The following SULT1B1 variants were observed in gnomAD, a reference collection of about 807,000 sequenced individuals.
SULT1B1 encodes sulfotransferase family 1B member 1.
Under a neutral mutation model 34.6 loss-of-function variants are expected in SULT1B1, and 28 were observed. The ratio of observed to expected loss-of-function variants is 0.81; its 90% CI spans 0.60 to 1.11. SULT1B1 has a LOEUF of 1.11. SULT1B1 is among the 50% of genes least tolerant of loss of function. The pLI is 0.00. For missense variants in SULT1B1, 374 were observed against 352.2 expected, an observed-to-expected ratio of 1.06 and a Z score of -0.50; for synonymous variants, 147 against 110.2, an observed-to-expected ratio of 1.33 and a Z score of -2.09.
rs1719005180 is a variant in SULT1B1 at position 69,752,098 on chromosome 4, G to A, written c.278-2280C>T. Among the ~76,000 whole-genome samples the A allele has an allele frequency of 2.6e-5, 4 of 152,314 alleles. No individual in the cohort carries two copies. In the South Asian group the frequency reaches 8.3e-4, roughly 32 times the overall value. On this transcript the variant is annotated intron_variant, in intron 3 of 7. Coordinates refer to ENST00000310613, the MANE Select transcript of SULT1B1 (RefSeq NM_014465.4). ...ACCATTTGTTTTAAGAAACTTTGCA[G>A]TTTGCATTTTAAGTCCTTGACAAAT... is the stretch of plus-strand genomic sequence containing the variant.
intron 3 of SULT1B1, among the ~76,000 whole-genome samples, 184 bp from the exon 4 acceptor site, chr4:69,750,002 T>C (rs1718917458): frequency 6.6e-6 from 1 of 152,174 alleles, no homozygotes; most frequent in Non-Finnish European, 1.5e-5. Context: ...AGGATACACA[T>C]TCTGAGGTTA....
intron 3 of SULT1B1, among the ~76,000 whole-genome samples, chr4:69,752,639 A>AT (rs765315089): frequency 9.2e-5 from 14 of 152,250 alleles, no homozygotes; most frequent in Non-Finnish European, 1.6e-4. Flanking sequence ...CAAAACAAAA[A>AT]TTGGCATTTG....
intron 4 of SULT1B1, among the ~76,000 whole-genome samples, chr4:69,740,595 T>C (rs1718508813): frequency 2.6e-5 from 4 of 152,202 alleles, no homozygotes; most frequent in Admixed American, 1.3e-4. Flanking sequence ...TCTAGGTTGA[T>C]TCCTTTGCTA....
chr4:69,726,925 C>A lies in SULT1B1; in HGVS notation c.*163G>T. 1 of 489,910 alleles carries A rather than the reference C, an allele frequency of 2.0e-6. No homozygotes were observed. Among genetic ancestry groups the A allele is most frequent in the Non-Finnish European group, 3.4e-6 (1 of 291,646 alleles). The allele number at this position is 489,910 out of a possible 1,614,324, so 30.3% of individuals were successfully genotyped here. ...ATTTGGAAACTCAGAATCAAAGGAA[C>A]AAAACTGGGATCTGATTAATAACAT... is the stretch of plus-strand genomic sequence containing the variant. On this transcript the variant is annotated 3_prime_UTR_variant, in exon 8 of 8. Transcript: ENST00000310613.
intron 3 of SULT1B1, among the ~76,000 whole-genome samples, chr4:69,753,290 C>T (rs945409604): frequency 6.6e-6 from 1 of 152,100 alleles, no homozygotes; most frequent in Non-Finnish European, 1.5e-5. Flanking sequence ...CTTTCATTTT[C>T]TTCATATTTC....
intron 6 of SULT1B1, 95 bp from the exon 7 acceptor site, chr4:69,730,776 C>G: frequency 9.1e-7 from 1 of 1,099,930 alleles, no homozygotes; most frequent in East Asian, 2.6e-5. Context: ...AATGTTGACT[C>G]TGAATAGTAT....
Position 69,751,845 on chromosome 4 carries a change from C to T in SULT1B1, c.278-2027G>A, listed in dbSNP as rs962120113. Among the ~76,000 whole-genome samples the T allele has an allele frequency of 3.9e-5, 6 of 152,316 alleles. No individual in the cohort carries two copies. The East Asian group carries it at 9.6e-4, about 24-fold the overall frequency. On this transcript the variant is annotated intron_variant, in intron 3 of 7. Transcript: ENST00000310613. ...AATGCTGCATATCCTCCCTCTCTATCCCCAATCCTGCCTTCCATCTGTTAT... is the reference window on the plus strand; with the variant it reads ...AATGCTGCATATCCTCCCTCTCTATTCCCAATCCTGCCTTCCATCTGTTAT...
rs145641879 is a variant in SULT1B1, at chr4:69,722,108, T to A, written c.*4980A>T. ...TGACATTTGCATCATAGAATAAATA[T>A]ATAAGAGGCAACAACCTATTTAAAA... On this transcript the variant is annotated 3_prime_UTR_variant, in exon 8 of 8. Coordinates refer to ENST00000310613, the MANE Select transcript of SULT1B1 (RefSeq NM_014465.4). 2.6e-5 allele frequency: 4 copies of A among 152,224 alleles called. No individual in the cohort carries two copies. The East Asian group carries it at 5.8e-4, about 22-fold the overall frequency. The allele number at this position is 152,224 out of a possible 1,614,324, so 9.4% of individuals were successfully genotyped here.
Position 69,755,114 on chromosome 4 carries a change from T to C in SULT1B1, c.104A>G (p.His35Arg). 1 of 1,614,028 alleles carries C rather than the reference T, an allele frequency of 6.2e-7. No homozygotes were observed. The highest frequency in any genetic ancestry group is 1.3e-5 in the African/African-American group (1 of 75,062). The part of the protein sequence containing the change: ...ASNWEKIEQF[H>R]SRPDDIVIAT... ...TATCACAATGTCATCTGGTCTGCTA[T>C]GGAACTGTTCAATTTTTTCCCAGTT... is the stretch of plus-strand genomic sequence containing the variant. Residue 35 changes from histidine to arginine, a missense_variant, in exon 2 of 8, where the codon CAT becomes CGT. His to Arg is a conservative substitution (Grantham distance 29). Transcript: ENST00000310613.
rs943049057 is a variant in SULT1B1 at position 69,725,037 on chromosome 4, A to C, written c.*2051T>G. 3 of 152,128 alleles carry C rather than the reference A, an allele frequency of 2.0e-5. No homozygotes were observed. The highest frequency in any genetic ancestry group is 1.9e-4 in the East Asian group (1 of 5,186). 9.4% of individuals were successfully genotyped at this position (152,128 alleles called of 1,614,324 possible). Reference sequence around the variant, plus strand: ...TTGACAAATGGGATCTAATTAAACTAAAGAGCTTCTGCACAGCAAAAGAAA... The same window carrying C: ...TTGACAAATGGGATCTAATTAAACTCAAGAGCTTCTGCACAGCAAAAGAAA... On this transcript the variant is annotated 3_prime_UTR_variant, in exon 8 of 8. Coordinates refer to ENST00000310613, the MANE Select transcript of SULT1B1 (RefSeq NM_014465.4).
intron 4 of SULT1B1, among the ~76,000 whole-genome samples, chr4:69,744,245 G>T (rs1482334132): frequency 1.3e-5 from 2 of 152,180 alleles, no homozygotes; most frequent in Non-Finnish European, 2.9e-5. Flanking sequence ...AGTGCCAGGG[G>T]TGGACTCTAG....
chr4:69,755,651 G>C (rs1296302368), intron 1 of SULT1B1, among the ~76,000 whole-genome samples: 3 of 152,142 alleles, frequency 2.0e-5, no homozygotes, highest in Non-Finnish European at 4.4e-5. Flanking sequence ...TCTGACCTTT[G>C]ATTTTCAGTT....
intron 3 of SULT1B1, among the ~76,000 whole-genome samples, chr4:69,753,177 T>A (rs1424643373): frequency 6.6e-6 from 1 of 152,232 alleles, no homozygotes; most frequent in Non-Finnish European, 1.5e-5. Flanking sequence ...AATTGAATTA[T>A]TAATAACCCT....
chr4:69,740,247 T>A (rs1718491784), intron 4 of SULT1B1, among the ~76,000 whole-genome samples: 1 of 152,192 alleles, frequency 6.6e-6, no homozygotes, highest in Non-Finnish European at 1.5e-5. Context: ...AAGAACTGCC[T>A]GAGAATGGAT....
intron 4 of SULT1B1, among the ~76,000 whole-genome samples, chr4:69,747,411 C>T (rs1003494386): frequency 3.9e-5 from 6 of 152,222 alleles, no homozygotes; most frequent in African/African-American, 9.6e-5. Flanking sequence ...GCAAGTGCTT[C>T]GGCAGGGCAG....
chr4:69,751,484 C>G (rs1428153619), intron 3 of SULT1B1, among the ~76,000 whole-genome samples: 2 of 152,212 alleles, frequency 1.3e-5, no homozygotes, highest in Admixed American at 1.3e-4. Flanking sequence ...CGGAGTCTCA[C>G]TCTGTCGCCC....
Position 69,758,380 on chromosome 4 carries a change from A to G in SULT1B1, c.-45+2079T>C, listed in dbSNP as rs190139081. ...AAGGAATCAGAGTCCACAGAAGTCA[A>G]CATAGTACATTCAGATGTTAGACTT... On this transcript the variant is annotated intron_variant, in intron 1 of 7. Transcript: ENST00000310613. The G allele has an allele frequency of 6.9e-3, 6,798 of 985,392 alleles. 28 individuals are homozygous for G. The highest frequency in any genetic ancestry group is 7.5e-3 in the Non-Finnish European group (6,255 of 829,876). The allele number at this position is 985,392 out of a possible 1,614,324, so 61.0% of individuals were successfully genotyped here. A position where few individuals can be genotyped will look rare whatever the true frequency, so the allele number is the denominator to read the frequency against.
At chr4:69,753,556 C>G (rs1466021528) in intron 3 of SULT1B1, among the ~76,000 whole-genome samples, 1 of 151,754 alleles carries the variant, frequency 6.6e-6, no homozygotes, top group Non-Finnish European at 1.5e-5. Context: ...CCACTTTTTC[C>G]TTCTTTCATG....
chr4:69,730,684 A>G lies in SULT1B1; in HGVS notation c.598-3T>C, dbSNP rs773174824. On this transcript the variant is annotated splice_region_variant and splice_polypyrimidine_tract_variant and intron_variant, in intron 6 of 7. Coordinates refer to ENST00000310613, the MANE Select transcript of SULT1B1 (RefSeq NM_014465.4). ...TTCTTGATTTCCTCCTTTGGATTCT[A>G]TTAGTGGGTAAAACCCAAGACAATA... 3.1e-6 allele frequency: 5 copies of G among 1,609,986 alleles called. No homozygotes were observed. Among genetic ancestry groups the G allele is most frequent in the Non-Finnish European group, 3.4e-6 (4 of 1,178,734 alleles).
Sources: allele counts gnomAD v4.1 joint callset (sites outside exome capture counted in the v4.1 genomes callset), GRCh38; gene constraint gnomAD v4.1.1; transcripts MANE v1.5; gene names NCBI Gene and HGNC (gene_info 2026-07-23, HGNC 2026-07-21).